Variants in ZNF385D observed in about 807,000 individuals in gnomAD.
ZNF385D encodes the protein zinc finger protein 385D.
Under a neutral mutation model 35.8 loss-of-function variants are expected in ZNF385D, and 15 were observed. The ratio of observed to expected loss-of-function variants is 0.42; its 90% CI spans 0.28 to 0.64. The LOEUF (loss-of-function observed/expected upper bound fraction) is 0.64. ZNF385D is among the 30% of genes least tolerant of loss of function. The pLI, the probability that ZNF385D is intolerant of heterozygous loss-of-function variation, is 0.23. For synonymous variants in ZNF385D, 212 were observed against 186.8 expected (o/e 1.13, Z -1.10); for missense variants, 474 against 494.6 (o/e 0.96, Z 0.39).
At chr3:21,627,892 T>C (rs1266826827) in intron 2 of ZNF385D, among the ~76,000 whole-genome samples, 1 of 152,130 alleles carries the variant, frequency 6.6e-6, no homozygotes, top group East Asian at 1.9e-4. Context: ...TGATTTATAC[T>C]ACAAATATAA....
chr3:21,424,287 TTATATA>T (rs1194110750), intron 6 of ZNF385D, among the ~76,000 whole-genome samples: 5 of 106,902 alleles, frequency 4.7e-5, no homozygotes, highest in African/African-American at 1.8e-4. Flanking sequence ...ATATATATAC[TTATATA>T]TATATATTTA....
At chr3:21,863,453 G>A (rs1428544548) in intron 3 of ZNF385D, among the ~76,000 whole-genome samples, 1 of 152,106 alleles carries the variant, frequency 6.6e-6, no homozygotes, top group Admixed American at 6.6e-5. Context: ...TCGAAAGTTT[G>A]TCTTCATTCT....
intron 2 of ZNF385D, among the ~76,000 whole-genome samples, chr3:21,574,282 C>T (rs949554285): frequency 1.3e-5 from 2 of 152,028 alleles, no homozygotes; most frequent in Non-Finnish European, 2.9e-5. Flanking sequence ...GAGGGACATA[C>T]ACACAAGAAA....
rs111325001 is a variant in ZNF385D, at chr3:21,888,301, G to C, written c.326-223273C>G. On this transcript the variant is annotated intron_variant, in intron 3 of 5. Coordinates refer to the ZNF385D transcript ENST00000494108. The stretch of plus-strand genomic sequence containing the variant: ...ATTAGAAAAAATCTTTTATATTGTG[G>C]TATATTGCAAAGAGAGAAAGTAAAA... 9.6e-3 allele frequency among the ~76,000 whole-genome samples: 1,459 copies of C among 152,074 alleles called. 20 individuals are homozygous for C. The highest frequency in any genetic ancestry group is 0.034 in the African/African-American group (1,399 of 41,484).
At chr3:21,989,200 T>C (rs745782573) in intron 3 of ZNF385D, among the ~76,000 whole-genome samples, 17 of 152,170 alleles carry the variant, frequency 1.1e-4, no homozygotes, top group Non-Finnish European at 2.2e-4. Context: ...CTCAATTTTT[T>C]AGAATAGTTT....
At chr3:21,950,972 G>C (rs1702037876) in intron 3 of ZNF385D, among the ~76,000 whole-genome samples, 1 of 151,686 alleles carries the variant, frequency 6.6e-6, no homozygotes, top group Non-Finnish European at 1.5e-5. Context: ...TTGGAAGTCA[G>C]GTAGCATGAT....
chr3:21,692,685 A>T (rs1023299832), intron 1 of ZNF385D, among the ~76,000 whole-genome samples: 2 of 152,208 alleles, frequency 1.3e-5, no homozygotes, highest in Non-Finnish European at 2.9e-5. Flanking sequence ...TCCCTCCCAA[A>T]GAGTGCATGT....
chr3:21,948,320 C>A (rs1270056580), intron 3 of ZNF385D, among the ~76,000 whole-genome samples: 3 of 151,856 alleles, frequency 2.0e-5, no homozygotes, highest in South Asian at 2.1e-4. Context: ...TTAAAAAAAA[C>A]TTTCCTGGTA....
chr3:22,097,627 C>CTGCTTGTATCTCTACACCTA (rs1701702809), intron 3 of ZNF385D, among the ~76,000 whole-genome samples: 1 of 151,994 alleles, frequency 6.6e-6, no homozygotes, highest in Admixed American at 6.6e-5. Context: ...GAACAAGGAT[C>CTGCTTGTATCTCTACACCTA]TACCCCAGGG....
intron 2 of ZNF385D, among the ~76,000 whole-genome samples, chr3:22,237,470 A>AGTTAATCCT (rs1309348771): frequency 2.6e-5 from 4 of 152,168 alleles, no homozygotes. Context: ...TTCCTTTGAT[A>AGTTAATCCT]GTGCTAGTTA....
At chr3:21,484,054 G>T (rs1056613274) in intron 4 of ZNF385D, among the ~76,000 whole-genome samples, 1 of 152,120 alleles carries the variant, frequency 6.6e-6, no homozygotes, top group African/African-American at 2.4e-5. Context: ...GCTTAATGAC[G>T]ATTGTATAGT....
chr3:22,254,827 T>C (rs1700232884), intron 2 of ZNF385D, among the ~76,000 whole-genome samples: 1 of 151,800 alleles, frequency 6.6e-6, no homozygotes, highest in South Asian at 2.1e-4. Context: ...AAGTAACCCT[T>C]CTTTTACTTA....
intron 3 of ZNF385D, among the ~76,000 whole-genome samples, chr3:21,952,507 G>A (rs2125300901): frequency 6.6e-6 from 1 of 151,986 alleles, no homozygotes; most frequent in East Asian, 1.9e-4. Flanking sequence ...AAGGTCAAAT[G>A]GCCTGGGTTT....
intron 3 of ZNF385D, among the ~76,000 whole-genome samples, chr3:21,932,976 C>T (rs1489636166): frequency 1.3e-5 from 2 of 152,124 alleles, no homozygotes; most frequent in African/African-American, 4.8e-5. Context: ...AGGTGTATGG[C>T]TTTCTCCAAA....
intron 2 of ZNF385D, among the ~76,000 whole-genome samples, chr3:21,583,013 T>C (rs2063712264): frequency 6.6e-6 from 1 of 152,136 alleles, no homozygotes; most frequent in East Asian, 1.9e-4. Flanking sequence ...TGATCTGCCC[T>C]CCTCGGCCTC....
intron 2 of ZNF385D, among the ~76,000 whole-genome samples, chr3:22,343,181 A>T (rs895659117): frequency 6.6e-6 from 1 of 152,212 alleles, no homozygotes; most frequent in African/African-American, 2.4e-5. Flanking sequence ...ATTGTATTGT[A>T]TTTGTATTTG....
intron 3 of ZNF385D, among the ~76,000 whole-genome samples, chr3:21,778,280 A>G (rs559845102): frequency 6.6e-6 from 1 of 152,028 alleles, no homozygotes; most frequent in Non-Finnish European, 1.5e-5. Flanking sequence ...GCTTTTAAAG[A>G]AACATTTCTC....
chr3:22,344,230 A>C (rs1162149731), intron 2 of ZNF385D, among the ~76,000 whole-genome samples: 2 of 150,900 alleles, frequency 1.3e-5, no homozygotes, highest in African/African-American at 2.5e-5. Context: ...AGGAAGTATC[A>C]TAATCCAGTA....
chr3:22,290,608 T>C (rs769360124), intron 2 of ZNF385D, among the ~76,000 whole-genome samples: 4 of 152,156 alleles, frequency 2.6e-5, no homozygotes, highest in Non-Finnish European at 5.9e-5. Context: ...CGCCCCTCCT[T>C]CTTGTTCTGT....
Sources: allele counts gnomAD v4.1 joint callset (sites outside exome capture counted in the v4.1 genomes callset), GRCh38; gene constraint gnomAD v4.1.1; transcripts MANE v1.5; gene names NCBI Gene and HGNC (gene_info 2026-07-23, HGNC 2026-07-21).